The following MAP2 variants were observed in gnomAD, a reference collection of about 807,000 sequenced individuals.
MAP2 encodes the protein microtubule-associated protein 2.
In MAP2, 14 loss-of-function variants were observed where a neutral mutation model predicts 137.6. That is an observed-to-expected ratio of 0.10 (90% CI 0.07 to 0.16). MAP2 has a LOEUF of 0.16. MAP2 is among the 10% of genes least tolerant of loss of function. The pLI is 1.00. For missense variants in MAP2, 2,088 were observed against 2,191.5 expected (o/e 0.95, Z 0.94); for synonymous variants, 786 against 782.3 (o/e 1.00, Z -0.08).
intron 3 of MAP2, among the ~76,000 whole-genome samples, chr2:209,612,405 T>C (rs1419360401): frequency 6.6e-6 from 1 of 152,210 alleles, no homozygotes; most frequent in African/African-American, 2.4e-5. Context: ...AGAACACTGA[T>C]TTCTTCTAAA....
At chr2:209,669,793 A>G (rs961668811) in intron 5 of MAP2, among the ~76,000 whole-genome samples, 4 of 151,320 alleles carry the variant, frequency 2.6e-5, no homozygotes, top group African/African-American at 7.3e-5. Context: ...ACACACACGC[A>G]CACACACACA....
intron 1 of MAP2, among the ~76,000 whole-genome samples, chr2:209,447,163 T>G (rs995026408): frequency 6.6e-6 from 1 of 152,022 alleles, no homozygotes; most frequent in Non-Finnish European, 1.5e-5. Context: ...GTGGCCTTCT[T>G]TGGTGCCTGG....
At chr2:209,546,529 A>G (rs2153275720) in intron 2 of MAP2, among the ~76,000 whole-genome samples, 1 of 152,312 alleles carries the variant, frequency 6.6e-6, no homozygotes, top group South Asian at 2.1e-4. Context: ...TTTACTGCTT[A>G]TAGGATTTTT....
chr2:209,496,610 A>T (rs570512650), intron 1 of MAP2, among the ~76,000 whole-genome samples: 2 of 152,174 alleles, frequency 1.3e-5, no homozygotes, highest in East Asian at 1.9e-4. Flanking sequence ...TTCCTTTATT[A>T]TCCTGCCAGA....
chr2:209,537,486 T>C (rs1486234407), intron 2 of MAP2, among the ~76,000 whole-genome samples: 2 of 152,170 alleles, frequency 1.3e-5, no homozygotes, highest in African/African-American at 4.8e-5. Flanking sequence ...TTTCATCCAA[T>C]CCTAATGAAA....
intron 13 of MAP2, among the ~76,000 whole-genome samples, chr2:209,718,554 T>C: frequency 6.6e-6 from 1 of 152,080 alleles, no homozygotes; most frequent in East Asian, 1.9e-4. Context: ...AACTCATTAA[T>C]GTCTATTCCA....
At position 209,695,611 on chromosome 2, in the gene MAP2, T is replaced by C. The variant is rs181666710; in HGVS notation, c.3441T>C (p.Ala1147=). 3.7e-6 allele frequency: 6 copies of C among 1,613,972 alleles called. No individual in the cohort carries two copies. In the African/African-American group the frequency reaches 8.0e-5, roughly 22 times the overall value. Residue 1147 remains alanine (A), a synonymous_variant, in exon 8 of 16, where the codon GCT becomes GCC. Coordinates refer to ENST00000682079, the MANE Select transcript of MAP2 (RefSeq NM_001375505.1). The stretch of plus-strand genomic sequence containing the variant: ...GTCTCACCATGGAGTCCTTGAAAGC[T>C]GATGAGGGCAAGAAGGAAACATCTC... ...HESLTMESLK[A]DEGKKETSPE... is the part of the protein sequence containing the mutation.
chr2:209,462,482 C>A (rs749537256), intron 1 of MAP2, among the ~76,000 whole-genome samples: 4 of 152,182 alleles, frequency 2.6e-5, no homozygotes, highest in Middle Eastern at 3.4e-3. Flanking sequence ...TATAGGCAAC[C>A]TTTTCAGGCA....
At chr2:209,451,517 C>T (rs1162841639) in intron 1 of MAP2, among the ~76,000 whole-genome samples, 1 of 152,192 alleles carries the variant, frequency 6.6e-6, no homozygotes, top group African/African-American at 2.4e-5. Flanking sequence ...GTTCCCTCCC[C>T]TTGCTCCCAT....
intron 1 of MAP2, among the ~76,000 whole-genome samples, chr2:209,500,485 C>T (rs1385676827): frequency 6.6e-6 from 1 of 152,144 alleles, no homozygotes; most frequent in Non-Finnish European, 1.5e-5. Context: ...CCTTCAAGGG[C>T]TAACTCAAAT....
At chr2:209,562,918 C>T (rs1206289812) in intron 2 of MAP2, among the ~76,000 whole-genome samples, 2 of 152,086 alleles carry the variant, frequency 1.3e-5, no homozygotes, top group Non-Finnish European at 2.9e-5. Flanking sequence ...TGTTAGTTAT[C>T]CACACATCTC....
intron 13 of MAP2, among the ~76,000 whole-genome samples, chr2:209,718,600 A>G (rs1039995112): frequency 6.6e-5 from 10 of 151,762 alleles, no homozygotes; most frequent in Non-Finnish European, 1.5e-4. Flanking sequence ...AGCATTATCT[A>G]TTCACCCCGG....
At chr2:209,690,172 T>G (rs2058427252) in intron 7 of MAP2, among the ~76,000 whole-genome samples, 1 of 152,142 alleles carries the variant, frequency 6.6e-6, no homozygotes, top group Non-Finnish European at 1.5e-5. Flanking sequence ...AAACAGCACA[T>G]GTCTAACAAA....
At chr2:209,556,553 C>T (rs1167190265) in intron 2 of MAP2, among the ~76,000 whole-genome samples, 1 of 151,862 alleles carries the variant, frequency 6.6e-6, no homozygotes, top group Non-Finnish European at 1.5e-5. Flanking sequence ...ACTCTGCCCT[C>T]TACTGCTTAG....
At chr2:209,443,242 T>C (rs1481437567) in intron 1 of MAP2, among the ~76,000 whole-genome samples, 2 of 151,414 alleles carry the variant, frequency 1.3e-5, no homozygotes, top group African/African-American at 4.8e-5. Flanking sequence ...CTTGGCTAGC[T>C]GCTTTTAATC....
chr2:209,602,743 C>T (rs2083364058), intron 3 of MAP2, among the ~76,000 whole-genome samples: 1 of 152,232 alleles, frequency 6.6e-6, no homozygotes, highest in Non-Finnish European at 1.5e-5. Context: ...CATGCCAAAA[C>T]TGGACCAACT....
intron 5 of MAP2, among the ~76,000 whole-genome samples, chr2:209,672,853 T>C (rs1342697227): frequency 6.6e-6 from 1 of 151,924 alleles, no homozygotes; most frequent in African/African-American, 2.4e-5. Flanking sequence ...GTAAGTAGCC[T>C]AGCATGATAC....
At chr2:209,435,369 G>C (rs1280779839) in intron 1 of MAP2, among the ~76,000 whole-genome samples, 2 of 151,816 alleles carry the variant, frequency 1.3e-5, no homozygotes, top group African/African-American at 4.8e-5. Context: ...GAAGTGGCAT[G>C]AGTGTGTGTA....
chr2:209,676,741 A>G (rs1441445346), intron 5 of MAP2, among the ~76,000 whole-genome samples: 1 of 58,314 alleles, frequency 1.7e-5, no homozygotes, highest in Non-Finnish European at 4.7e-5. Context: ...ATATATATAT[A>G]TATATATATA....
Sources: gnomAD v4.1 joint callset for allele counts (sites outside exome capture counted in the v4.1 genomes callset) on GRCh38, gnomAD v4.1.1 for gene constraint, MANE v1.5 for transcripts, NCBI Gene and HGNC (gene_info 2026-07-23, HGNC 2026-07-21) for gene names.